The following FAM204A variants were observed in gnomAD, a reference collection of about 807,000 sequenced individuals.
The protein encoded by FAM204A is family with sequence similarity 204 member A.
In FAM204A, 16 loss-of-function variants were observed where a neutral mutation model predicts 35.4. The ratio of observed to expected loss-of-function variants is 0.45; its 90% CI spans 0.31 to 0.69. The LOEUF (loss-of-function observed/expected upper bound fraction) is 0.69, where lower values mean the gene tolerates loss of function less well. Ranked by LOEUF, FAM204A falls within the 30% of genes least tolerant of loss-of-function variation. The pLI is 0.07. For missense variants in FAM204A, 240 were observed against 265.7 expected, an observed-to-expected ratio of 0.90 and a Z score of 0.67; for synonymous variants, 76 against 86.9, an observed-to-expected ratio of 0.88 and a Z score of 0.70.
At position 118,312,242 on chromosome 10, in the gene FAM204A, C is replaced by A. The variant is rs1234874062; in HGVS notation, c.544-929G>T. Among the ~76,000 whole-genome samples, 5 of 152,196 alleles carry A rather than the reference C, an allele frequency of 3.3e-5. No homozygotes were observed. In the South Asian group the frequency reaches 6.2e-4, roughly 19 times the overall value. On this transcript the variant is annotated intron_variant, in intron 7 of 8. Transcript: ENST00000369183. Reference sequence around the variant, plus strand: ...CAGATTAAACAATAAAAACGAAGTACCTCTTTGGTGTTTCTTGCCTTTTCT... The same window carrying A: ...CAGATTAAACAATAAAAACGAAGTAACTCTTTGGTGTTTCTTGCCTTTTCT...
Position 118,336,366 on chromosome 10 carries a change from G to A in FAM204A, c.50C>T (p.Ser17Leu), listed in dbSNP as rs766862132. 3.1e-6 allele frequency: 5 copies of A among 1,613,770 alleles called. No homozygotes were observed. The East Asian group carries it at 8.9e-5, about 29-fold the overall frequency. ...PPGLNESDAESNSEDEATLEN... is the reference protein window; with the variant it reads ...PPGLNESDAELNSEDEATLEN... The stretch of plus-strand genomic sequence containing the variant: ...CAACGTAGCTTCATCTTCCGAGTTT[G>A]ACTCAGCGTCACTTTCATTTAGGCC... The change falls in exon 3 of 9, where the codon TCA becomes TTA. Residue 17 changes from serine to leucine, a missense_variant. Transcript: ENST00000369183.
Position 118,319,528 on chromosome 10 carries a change from T to C in FAM204A, c.543+6626A>G, listed in dbSNP as rs114708941. ...ACTTACATCTATAAAGAGGGTACCATTAAAATGAGATATATTTATCATTTC... is the reference window on the plus strand; with the variant it reads ...ACTTACATCTATAAAGAGGGTACCACTAAAATGAGATATATTTATCATTTC... On this transcript the variant is annotated intron_variant, in intron 7 of 8. Transcript: ENST00000369183. 8.5e-3 allele frequency among the ~76,000 whole-genome samples: 1,289 copies of C among 152,116 alleles called. 19 individuals carry two copies. Among genetic ancestry groups the C allele is most frequent in the African/African-American group, 0.029 (1,225 of 41,538 alleles).
intron 7 of FAM204A, among the ~76,000 whole-genome samples, chr10:118,313,631 G>A (rs853910): frequency 0.015 from 2,310 of 152,144 alleles, 24 homozygotes; most frequent in South Asian, 0.068. Context: ...TCGCCAAAAC[G>A]TAAAACAGAA....
At chr10:118,332,693 AG>A (rs1373439447) in intron 6 of FAM204A, among the ~76,000 whole-genome samples, 15 of 152,218 alleles carry the variant, frequency 9.9e-5, no homozygotes, top group African/African-American at 3.6e-4. Flanking sequence ...AGTTCGAAAA[AG>A]CTACACTATA....
At chr10:118,322,234 C>A (rs930490144) in intron 7 of FAM204A, 17 of 418,408 alleles carry the variant, frequency 4.1e-5, no homozygotes, top group Admixed American at 3.7e-4. Context: ...TCTCCTAACT[C>A]CCCACAAGAC....
chr10:118,316,688 C>A (rs1369082009), intron 7 of FAM204A, among the ~76,000 whole-genome samples: 2 of 152,044 alleles, frequency 1.3e-5, no homozygotes. Context: ...TAAAACACAT[C>A]AAATAGATAT....
rs549703899 is a variant in FAM204A at position 118,317,615 on chromosome 10, C to T, written c.544-6302G>A. ...GCCTTATTTTTCTGATATTAAAATG[C>T]TGCAGTGTCACGGCTGTGCACAATT... On this transcript the variant is annotated intron_variant, in intron 7 of 8. Coordinates refer to ENST00000369183, the MANE Select transcript of FAM204A (RefSeq NM_022063.3). 3.3e-5 allele frequency among the ~76,000 whole-genome samples: 5 copies of T among 152,060 alleles called. No individual in the cohort carries two copies. In the East Asian group the frequency reaches 9.7e-4, roughly 29 times the overall value.
rs2119776799 is a variant in FAM204A at position 118,306,032 on chromosome 10, G to C, written c.*4825C>G. 1 of 152,358 alleles carries C rather than the reference G, an allele frequency of 6.6e-6. No individual in the cohort carries two copies. The highest frequency in any genetic ancestry group is 2.4e-5 in the African/African-American group (1 of 41,578). The allele number at this position is 152,358 out of a possible 1,614,324, so 9.4% of individuals were successfully genotyped here. The stretch of plus-strand genomic sequence containing the variant: ...TGATCAAATGCCAGAACTTACAGAT[G>C]AATATGAAACAGACATCAATAATTA... On this transcript the variant is annotated 3_prime_UTR_variant, in exon 9 of 9. Transcript: ENST00000369183.
intron 3 of FAM204A, chr10:118,335,978 C>A: frequency 1.7e-6 from 1 of 584,252 alleles, no homozygotes; most frequent in South Asian, 3.0e-5. Flanking sequence ...TTTTTTTTCC[C>A]CCTCCGTCTT....
intron 2 of FAM204A, among the ~76,000 whole-genome samples, chr10:118,338,205 A>G (rs776186652): frequency 9.9e-5 from 15 of 152,228 alleles, no homozygotes; most frequent in Non-Finnish European, 1.9e-4. Context: ...CAGGCCCCAT[A>G]AAACCCAGAT....
chr10:118,322,559 A>AAAAACT (rs1846135167), intron 7 of FAM204A: 2 of 230,540 alleles, frequency 8.7e-6, no homozygotes, highest in East Asian at 2.1e-4. Context: ...TCCAGATTAA[A>AAAAACT]AAAACTAAAG....
At chr10:118,311,714 G>A (rs1845954835) in intron 7 of FAM204A, among the ~76,000 whole-genome samples, 2 of 152,278 alleles carry the variant, frequency 1.3e-5, no homozygotes, top group South Asian at 4.1e-4. Context: ...ACTCAGTATG[G>A]TCACACCAGT....
At chr10:118,321,791 G>A (rs1846122493) in intron 7 of FAM204A, among the ~76,000 whole-genome samples, 2 of 145,294 alleles carry the variant, frequency 1.4e-5, no homozygotes, top group Admixed American at 7.0e-5. Flanking sequence ...AAACCTCTAA[G>A]GCGCTAGTTC....
Position 118,310,774 on chromosome 10 carries a change from T to C in FAM204A, c.*83A>G. 1 of 1,174,662 alleles carries C rather than the reference T, an allele frequency of 8.5e-7. No homozygotes were observed. The highest frequency in any genetic ancestry group is 1.2e-6 in the Non-Finnish European group (1 of 812,694). 72.8% of individuals were successfully genotyped at this position (1,174,662 alleles called of 1,614,324 possible). A position where few individuals can be genotyped will look rare whatever the true frequency, so the allele number is the denominator to read the frequency against. ...ATTTTTGTTTTAGTGCTATCAATTT[T>C]CTGACATATTAACATAGGCAGGAAA... On this transcript the variant is annotated 3_prime_UTR_variant, in exon 9 of 9. Coordinates refer to ENST00000369183, the MANE Select transcript of FAM204A (RefSeq NM_022063.3).
In FAM204A at chr10:118,298,495, T is replaced by C. The variant is rs995173721; in HGVS notation, c.*12362A>G. 1.3e-5 allele frequency: 2 copies of C among 152,232 alleles called. No homozygotes were observed. Among genetic ancestry groups the C allele is most frequent in the Non-Finnish European group, 2.9e-5 (2 of 68,042 alleles). 9.4% of individuals were successfully genotyped at this position (152,232 alleles called of 1,614,324 possible). On this transcript the variant is annotated 3_prime_UTR_variant, in exon 9 of 9. Transcript: ENST00000369183. ...CTTGCATAAACAGGTGTTATTTCCA[T>C]GTACTTTTGCTCAGGTTCTTTGGAT...
intron 6 of FAM204A, among the ~76,000 whole-genome samples, chr10:118,331,179 T>TA (rs977422997): frequency 1.5e-4 from 23 of 152,234 alleles, no homozygotes; most frequent in African/African-American, 5.5e-4. Flanking sequence ...TCTCATGAAA[T>TA]AGAGTCTGAG....
intron 6 of FAM204A, among the ~76,000 whole-genome samples, chr10:118,334,900 G>GA (rs1158801999): frequency 5.9e-5 from 9 of 152,190 alleles, no homozygotes; most frequent in African/African-American, 2.2e-4. Flanking sequence ...ATGCTAAAGT[G>GA]AAGCCCCCAT....
At position 118,309,215 on chromosome 10, in the gene FAM204A, A is replaced by G. The variant is rs1240568972; in HGVS notation, c.*1642T>C. 1.3e-5 allele frequency: 2 copies of G among 152,218 alleles called. No individual in the cohort carries two copies. Among genetic ancestry groups the G allele is most frequent in the Admixed American group, 6.5e-5 (1 of 15,278 alleles). 9.4% of individuals were successfully genotyped at this position (152,218 alleles called of 1,614,324 possible). On this transcript the variant is annotated 3_prime_UTR_variant, in exon 9 of 9. Coordinates refer to ENST00000369183, the MANE Select transcript of FAM204A (RefSeq NM_022063.3). ...TGGATACTGAATTAGTATGACACAT[A>G]ATATTCTAAAACTTTGCTTTCTCTA...
Position 118,310,866 on chromosome 10 carries a change from T to A in FAM204A, c.693A>T (p.Gly231=). Residue 231 remains glycine, a synonymous_variant, in exon 9 of 9, where the codon GGA becomes GGT. Coordinates refer to ENST00000369183, the MANE Select transcript of FAM204A (RefSeq NM_022063.3). Reference sequence around the variant, plus strand: ...GAAGCACTCTGGCAAGTTACATGTATCCCATGTTGCTTTTGGTTTCCCATC... The same window carrying A: ...GAAGCACTCTGGCAAGTTACATGTAACCCATGTTGCTTTTGGTTTCCCATC... The part of the protein sequence containing the change: ...KKRWETKSNM[G]YM 1 of 1,602,892 alleles carries A rather than the reference T, an allele frequency of 6.2e-7. No homozygotes were observed. Among genetic ancestry groups the A allele is most frequent in the Non-Finnish European group, 8.5e-7 (1 of 1,177,056 alleles).
Sources: gnomAD v4.1 joint callset for allele counts (sites outside exome capture counted in the v4.1 genomes callset) on GRCh38, gnomAD v4.1.1 for gene constraint, MANE v1.5 for transcripts, NCBI Gene and HGNC (gene_info 2026-07-23, HGNC 2026-07-21) for gene names.